PIGU: variants seen among roughly 807,000 people sequenced by gnomAD.
PIGU encodes the protein phosphatidylinositol glycan anchor biosynthesis class U.
A neutral mutation model predicts 49.9 loss-of-function variants in PIGU; 24 were observed. The ratio of observed to expected loss-of-function variants is 0.48; its 90% confidence interval spans 0.35 to 0.68. The LOEUF is 0.68. PIGU is among the 30% of genes least tolerant of loss of function. The probability of loss-of-function intolerance (pLI) is 0.01; values close to 1 mark genes in which losing one functional copy is unlikely to be tolerated. For missense variants in PIGU, 490 were observed against 532.6 expected (o/e 0.92, Z 0.79); for synonymous variants, 220 against 205.7 (o/e 1.07, Z -0.59).
intron 7 of PIGU, among the ~76,000 whole-genome samples, chr20:34,599,278 C>A (rs1268414399): frequency 1.3e-5 from 2 of 152,030 alleles, no homozygotes; most frequent in Non-Finnish European, 2.9e-5. Context: ...CATGGCAAAA[C>A]CCTGTCTCTA....
At chr20:34,636,942 T>A (rs1035809959) in intron 5 of PIGU, among the ~76,000 whole-genome samples, 2 of 152,084 alleles carry the variant, frequency 1.3e-5, no homozygotes, top group Non-Finnish European at 2.9e-5. Flanking sequence ...AGGACACACA[T>A]AAGTCCATAA....
intron 6 of PIGU, among the ~76,000 whole-genome samples, chr20:34,621,414 G>A (rs1985220537): frequency 1.3e-5 from 2 of 152,150 alleles, no homozygotes; most frequent in African/African-American, 4.8e-5. Flanking sequence ...GTGGCAGAGG[G>A]CTGGCACAGA....
rs141871128 is a variant in PIGU, at chr20:34,652,556, T to G, written c.195+4624A>C. The stretch of plus-strand genomic sequence containing the variant: ...AGTTTCTTAAGGTAGAAGCTGTGGT[T>G]ATTGACTTGAGGTCTTCTTTTCTAA... On this transcript the variant is annotated intron_variant, in intron 2 of 11. Transcript: ENST00000217446. Among the ~76,000 whole-genome samples the G allele has an allele frequency of 8.1e-3, 1,239 of 152,316 alleles. 21 individuals are homozygous for G. Among genetic ancestry groups the G allele is most frequent in the African/African-American group, 0.029 (1,189 of 41,568 alleles).
intron 2 of PIGU, among the ~76,000 whole-genome samples, chr20:34,647,420 C>G (rs773725476): frequency 1.3e-5 from 2 of 151,644 alleles, no homozygotes. Context: ...CGCCACCACA[C>G]CTGGCTAATT....
At position 34,588,435 on chromosome 20, in the gene PIGU, A is replaced by G; in HGVS notation, c.782+18T>C. On this transcript the variant is annotated intron_variant, in intron 8 of 11. Transcript: ENST00000217446. ...TTCCCCACAGCTTCTAGAATTTTCT[A>G]ACGTGGTCATTACTTACATAAAGCC... 1 of 1,605,788 alleles carries G rather than the reference A, an allele frequency of 6.2e-7. No individual in the cohort carries two copies. Among genetic ancestry groups the G allele is most frequent in the Non-Finnish European group, 8.5e-7 (1 of 1,175,760 alleles).
At chr20:34,675,204 C>T (rs2146803579) in intron 1 of PIGU, among the ~76,000 whole-genome samples, 1 of 138,570 alleles carries the variant, frequency 7.2e-6, no homozygotes, top group South Asian at 2.2e-4. Context: ...GCCGAGATCG[C>T]ACCATTGCAC....
intron 1 of PIGU, 143 bp downstream of exon 1, chr20:34,676,813 C>A (rs1210566198): frequency 8.2e-7 from 1 of 1,215,678 alleles, no homozygotes; most frequent in Non-Finnish European, 1.2e-6. Flanking sequence ...GCCCTCAGGC[C>A]CCGCCCTCTC....
chr20:34,670,111 A>G (rs1987259432), intron 1 of PIGU, among the ~76,000 whole-genome samples: 1 of 152,146 alleles, frequency 6.6e-6, no homozygotes, highest in Non-Finnish European at 1.5e-5. Context: ...ACAGTTACAA[A>G]AATGTTCACC....
chr20:34,668,319 T>C (rs920836677), intron 1 of PIGU, among the ~76,000 whole-genome samples: 1 of 151,470 alleles, frequency 6.6e-6, no homozygotes, highest in African/African-American at 2.4e-5. Flanking sequence ...AAAGATTAGC[T>C]GGCATGGTGG....
intron 7 of PIGU, among the ~76,000 whole-genome samples, chr20:34,601,827 C>A (rs550123909): frequency 2.6e-4 from 40 of 152,330 alleles, no homozygotes; most frequent in African/African-American, 9.6e-4. Flanking sequence ...GTGTATAACT[C>A]AAATTGCAAT....
At position 34,576,300 on chromosome 20, in the gene PIGU, CAT is replaced by C. The variant is rs556125092; in HGVS notation, c.1052-1056_1052-1055del. Among the ~76,000 whole-genome samples the C allele has an allele frequency of 2.6e-3, 403 of 152,230 alleles. 1 individual carries two copies. The highest frequency in any genetic ancestry group is 6.8e-3 in the Middle Eastern group (2 of 292). On this transcript the variant is annotated intron_variant, in intron 10 of 11. Coordinates refer to ENST00000217446, the MANE Select transcript of PIGU (RefSeq NM_080476.5). ...ACACTTCATTTGGTAAACAAGATGA[CAT>C]GTGAAAAAATGACACAGATATATCA... is the stretch of plus-strand genomic sequence containing the variant.
chr20:34,574,991 G>A (rs1012533198), intron 11 of PIGU, 113 bp downstream of exon 11: 4 of 1,386,882 alleles, frequency 2.9e-6, no homozygotes, highest in East Asian at 2.3e-5. Flanking sequence ...GAGTAACTGT[G>A]CCTCCTTCAC....
chr20:34,634,475 T>C, intron 6 of PIGU, 140 bp downstream of exon 6: 2 of 1,306,492 alleles, frequency 1.5e-6, no homozygotes, highest in South Asian at 1.9e-5. Flanking sequence ...TTCTAAATAA[T>C]CTTGTATTAC....
At position 34,569,876 on chromosome 20, in the gene PIGU, TA is replaced by T. The variant is rs1359752450; in HGVS notation, c.1194+5227del. Among the ~76,000 whole-genome samples the T allele has an allele frequency of 4.6e-5, 7 of 152,300 alleles. No homozygotes were observed. In the East Asian group the frequency reaches 1.4e-3, roughly 29 times the overall value. On this transcript the variant is annotated intron_variant, in intron 11 of 11. Transcript: ENST00000217446. ...AAGAAGACAGACCCAGGGCTCGCCC[TA>T]ATGGAACCCACAGTCTACTAAGAGG... is the stretch of plus-strand genomic sequence containing the variant.
intron 10 of PIGU, chr20:34,579,513 C>T (rs1206927530): frequency 2.0e-5 from 3 of 152,236 alleles, no homozygotes; most frequent in African/African-American, 2.4e-5. Flanking sequence ...CACGTCTCAA[C>T]ACATACATCC....
chr20:34,601,288 A>G (rs778807263), intron 7 of PIGU, among the ~76,000 whole-genome samples: 1 of 152,272 alleles, frequency 6.6e-6, no homozygotes, highest in Non-Finnish European at 1.5e-5. Context: ...ATGGTTTTGG[A>G]GTCAAGGTTT....
chr20:34,650,168 G>GT (rs1986484893), intron 2 of PIGU, among the ~76,000 whole-genome samples: 1 of 151,876 alleles, frequency 6.6e-6, no homozygotes, highest in Non-Finnish European at 1.5e-5. Context: ...AATTTATTAT[G>GT]TTTTCTATTT....
chr20:34,573,721 T>C (rs1055206434), intron 11 of PIGU, among the ~76,000 whole-genome samples: 1 of 152,228 alleles, frequency 6.6e-6, no homozygotes, highest in Non-Finnish European at 1.5e-5. Flanking sequence ...GATATGCAAT[T>C]GAGCCCTGCA....
chr20:34,640,527 ACACACACACC>A (rs1283367259), intron 4 of PIGU, among the ~76,000 whole-genome samples: 1,395 of 124,158 alleles, frequency 0.011, 18 homozygotes, highest in African/African-American at 0.029. Context: ...ACACACACAC[ACACACACACC>A]CCTTAAGAAA....
Sources: allele counts gnomAD v4.1 joint callset (sites outside exome capture counted in the v4.1 genomes callset), GRCh38; gene constraint gnomAD v4.1.1; transcripts MANE v1.5; gene names NCBI Gene and HGNC (gene_info 2026-07-23, HGNC 2026-07-21).